Variants in SPTLC2 observed in about 807,000 individuals in gnomAD.
SPTLC2 encodes serine palmitoyltransferase long chain base subunit 2.
A neutral mutation model predicts 62.0 loss-of-function variants in SPTLC2; 21 were observed. The ratio of observed to expected loss-of-function variants is 0.34; its 90% CI spans 0.24 to 0.49. SPTLC2 has a LOEUF of 0.49. Among genes scored for constraint, SPTLC2 ranks in the 20% least tolerant of loss-of-function variants. The probability of loss-of-function intolerance (pLI) is 0.99; values close to 1 mark genes in which losing one functional copy is unlikely to be tolerated. For missense variants in SPTLC2, 511 were observed against 713.0 expected, an observed-to-expected ratio of 0.72 and a Z score of 3.23; for synonymous variants, 261 against 261.8, an observed-to-expected ratio of 1.00 and a Z score of 0.03.
intron 9 of SPTLC2, among the ~76,000 whole-genome samples, chr14:77,526,003 G>T (rs942242827): frequency 1.3e-5 from 2 of 152,080 alleles, no homozygotes; most frequent in Non-Finnish European, 2.9e-5. Context: ...TACCATTTTT[G>T]ACCTTAAAGC....
At chr14:77,558,660 C>T (rs933430820) in intron 6 of SPTLC2, among the ~76,000 whole-genome samples, 1 of 145,666 alleles carries the variant, frequency 6.9e-6, no homozygotes, top group African/African-American at 2.5e-5. Flanking sequence ...CTTGCTCTGT[C>T]GCCAAGGCAG....
In SPTLC2 at chr14:77,508,968, G is replaced by C. The variant is rs200033436; in HGVS notation, c.*3316C>G. The C allele has an allele frequency of 1.3e-5, 2 of 152,184 alleles. No homozygotes were observed. Among genetic ancestry groups the C allele is most frequent in the East Asian group, 3.8e-4 (2 of 5,198 alleles). 9.4% of individuals were successfully genotyped at this position (152,184 alleles called of 1,614,324 possible). Reference sequence around the variant, plus strand: ...AAAGAAAGGCCAAATAAAGGAAGAAGGCATTACGGAGACAAATCACTGGAA... The same window carrying C: ...AAAGAAAGGCCAAATAAAGGAAGAACGCATTACGGAGACAAATCACTGGAA... On this transcript the variant is annotated 3_prime_UTR_variant, in exon 12 of 12. Transcript: ENST00000216484.
intron 4 of SPTLC2, among the ~76,000 whole-genome samples, chr14:77,574,061 T>A (rs995805476): frequency 6.6e-6 from 1 of 152,214 alleles, no homozygotes. Flanking sequence ...TCAGACAGCA[T>A]GGCCCTGCTG....
At chr14:77,575,484 G>C (rs1161836977) in intron 4 of SPTLC2, among the ~76,000 whole-genome samples, 2 of 152,116 alleles carry the variant, frequency 1.3e-5, no homozygotes, top group Non-Finnish European at 2.9e-5. Flanking sequence ...ATGATACTTT[G>C]GGACCTGTAC....
At position 77,510,468 on chromosome 14, in the gene SPTLC2, T is replaced by C. The variant is rs1000883644; in HGVS notation, c.*1816A>G. 1 of 152,254 alleles carries C rather than the reference T, an allele frequency of 6.6e-6. No homozygotes were observed. Among genetic ancestry groups the C allele is most frequent in the Admixed American group, 6.5e-5 (1 of 15,270 alleles). The allele number at this position is 152,254 out of a possible 1,614,324, so 9.4% of individuals were successfully genotyped here. ...AAAGGAGCAATTTCAAAAACTTAAA[T>C]GTGTAACATGACTTTTTTTTTTGAG... On this transcript the variant is annotated 3_prime_UTR_variant, in exon 12 of 12. Coordinates refer to ENST00000216484, the MANE Select transcript of SPTLC2 (RefSeq NM_004863.4).
At chr14:77,558,068 G>C (rs1337371281) in intron 6 of SPTLC2, among the ~76,000 whole-genome samples, 1 of 145,904 alleles carries the variant, frequency 6.9e-6, no homozygotes, top group Admixed American at 6.8e-5. Context: ...TTTTTTTTGA[G>C]ATGGAGTCTC....
At chr14:77,536,200 G>C (rs1041766496) in intron 9 of SPTLC2, among the ~76,000 whole-genome samples, 1 of 152,142 alleles carries the variant, frequency 6.6e-6, no homozygotes, top group Admixed American at 6.5e-5. Context: ...TGATGAAAAG[G>C]TTCTATAAAT....
At position 77,587,759 on chromosome 14, in the gene SPTLC2, A is replaced by AAATAATAATTAT. The variant is rs372605996; in HGVS notation, c.328-8651_328-8650insATAATTATTATT. On this transcript the variant is annotated intron_variant, in intron 2 of 11. Coordinates refer to ENST00000216484, the MANE Select transcript of SPTLC2 (RefSeq NM_004863.4). Reference sequence around the variant, plus strand: ...GCGACAAGAGCAAAACTCTGTCTCAAAATAATAATAATAATAATAATAATA... The same window carrying AAATAATAATTAT: ...GCGACAAGAGCAAAACTCTGTCTCAAAATAATAATTATAATAATAATAATAATAATAATAATA... Among the ~76,000 whole-genome samples, 170 of 145,104 alleles carry AAATAATAATTAT rather than the reference A, an allele frequency of 1.2e-3. 2 individuals are homozygous for AAATAATAATTAT. The highest frequency in any genetic ancestry group is 1.9e-3 in the Admixed American group (27 of 14,400).
intron 9 of SPTLC2, chr14:77,536,133 A>G: frequency 2.8e-6 from 1 of 355,242 alleles, no homozygotes; most frequent in Non-Finnish European, 5.4e-6. Flanking sequence ...GAAATGCAGT[A>G]GGTCAAGACT....
chr14:77,610,915 A>AT (rs148559188), intron 1 of SPTLC2, among the ~76,000 whole-genome samples: 23,069 of 139,124 alleles, frequency 0.17, 1,927 homozygotes, highest in East Asian at 0.31. Flanking sequence ...TTATATATAT[A>AT]TATTTTTATT....
chr14:77,579,082 CA>C lies in SPTLC2; in HGVS notation c.354del (p.Phe118LeufsTer11), dbSNP rs1293057779. ...QKDFVSLYQDFENFYTRNLYM... is the reference protein window; with the variant it reads ...QKDFVSLYQDXENFYTRNLYM... ...TACAGATTCCTTGTATAAAAGTTTT[CA>C]AAATCTTGATACAATGACACAAAGT... On this transcript the variant is annotated frameshift_variant, in exon 3 of 12. Transcript: ENST00000216484. LOFTEE classifies it high-confidence loss of function. 6.2e-7 allele frequency: 1 copy of C among 1,613,906 alleles called. No individual in the cohort carries two copies. The highest frequency in any genetic ancestry group is 8.5e-7 in the Non-Finnish European group (1 of 1,179,986).
At chr14:77,542,732 G>C (rs1450633062) in intron 9 of SPTLC2, among the ~76,000 whole-genome samples, 1 of 152,128 alleles carries the variant, frequency 6.6e-6, no homozygotes, top group Non-Finnish European at 1.5e-5. Context: ...AACTGCTTTT[G>C]CTAACACCAA....
intron 6 of SPTLC2, among the ~76,000 whole-genome samples, chr14:77,560,689 T>A (rs1225439849): frequency 6.6e-6 from 1 of 151,626 alleles, no homozygotes; most frequent in African/African-American, 2.4e-5. Context: ...TAAGAAAGAA[T>A]GAGATCATGT....
At position 77,590,563 on chromosome 14, in the gene SPTLC2, A is replaced by G. The variant is rs532397966; in HGVS notation, c.327+6623T>C. Among the ~76,000 whole-genome samples the G allele has an allele frequency of 4.6e-5, 7 of 152,108 alleles. No individual in the cohort carries two copies. The South Asian group carries it at 1.5e-3, about 32-fold the overall frequency. ...AAGCCCTGTCTCTACTAAAAACACA[A>G]AAATTAGGTGTGGTTGCACATGCCT... On this transcript the variant is annotated intron_variant, in intron 2 of 11. Transcript: ENST00000216484.
At chr14:77,603,464 A>G (rs2079888720) in intron 1 of SPTLC2, among the ~76,000 whole-genome samples, 1 of 152,188 alleles carries the variant, frequency 6.6e-6, no homozygotes. Context: ...TATCACACAT[A>G]CTAGAGAGAA....
chr14:77,510,752 G>A lies in SPTLC2; in HGVS notation c.*1532C>T, dbSNP rs893948809. On this transcript the variant is annotated 3_prime_UTR_variant, in exon 12 of 12. Transcript: ENST00000216484. ...GCCTCCCAAAGTGCTAGGATTACAG[G>A]TGTGAGCCACCGCACTCGGCCTGTA... is the stretch of plus-strand genomic sequence containing the variant. 11 of 152,344 alleles carry A rather than the reference G, an allele frequency of 7.2e-5. No homozygotes were observed. Among genetic ancestry groups the A allele is most frequent in the African/African-American group, 2.7e-4 (11 of 41,436 alleles). 9.4% of individuals were successfully genotyped at this position (152,344 alleles called of 1,614,324 possible).
intron 9 of SPTLC2, among the ~76,000 whole-genome samples, chr14:77,522,186 C>T (rs1057020807): frequency 1.3e-5 from 2 of 150,762 alleles, no homozygotes; most frequent in African/African-American, 2.4e-5. Flanking sequence ...TTTTTTGAGA[C>T]GGTGTCTCAC....
rs982572939 is a variant in SPTLC2 at position 77,558,668 on chromosome 14, C to T, written c.851-1522G>A. Among the ~76,000 whole-genome samples the T allele has an allele frequency of 4.7e-5, 7 of 148,490 alleles. No homozygotes were observed. The East Asian group carries it at 1.4e-3, about 30-fold the overall frequency. On this transcript the variant is annotated intron_variant, in intron 6 of 11. Transcript: ENST00000216484. ...ACAGAGTCTTGCTCTGTCGCCAAGG[C>T]AGGAGTGCAGTGGCGTGATCTCTGC...
intron 9 of SPTLC2, among the ~76,000 whole-genome samples, chr14:77,545,860 A>G (rs2079525619): frequency 6.6e-6 from 1 of 152,220 alleles, no homozygotes; most frequent in Non-Finnish European, 1.5e-5. Flanking sequence ...AGAAACTTTT[A>G]ATAGCATTTG....
Sources: allele counts gnomAD v4.1 joint callset (sites outside exome capture counted in the v4.1 genomes callset), GRCh38; gene constraint gnomAD v4.1.1; transcripts MANE v1.5; gene names NCBI Gene and HGNC (gene_info 2026-07-23, HGNC 2026-07-21).